The following PRR16 variants were observed in gnomAD, a reference collection of about 807,000 sequenced individuals.
PRR16 encodes the protein protein Largen.
A neutral mutation model predicts 18.2 loss-of-function variants in PRR16; 6 were observed. The observed-to-expected ratio is 0.33, with a 90% CI of 0.18 to 0.65. The LOEUF (loss-of-function observed/expected upper bound fraction) is 0.65. PRR16 is among the 30% of genes least tolerant of loss of function. The pLI is 0.74. For synonymous variants in PRR16, 151 were observed against 147.8 expected (o/e 1.02, Z -0.16); for missense variants, 412 against 376.6 (o/e 1.09, Z -0.78).
At chr5:120,754,851 G>A in the PRR16 span, among the ~76,000 whole-genome samples, 219 of 150,800 alleles carry the variant, frequency 1.5e-3, 1 homozygote, top group African/African-American at 4.8e-3. Context: ...TCAAAACCTC[G>A]TAGTTCAATA....
chr5:120,694,682 CAAAA>C, the PRR16 span, among the ~76,000 whole-genome samples: 3 of 116,142 alleles, frequency 2.6e-5, no homozygotes, highest in African/African-American at 3.4e-5. Flanking sequence ...GACTCCGTCT[CAAAA>C]AAAAAAAAAA....
At chr5:120,621,376 C>T (rs1224787689) in intron 1 of PRR16, among the ~76,000 whole-genome samples, 3 of 151,880 alleles carry the variant, frequency 2.0e-5, no homozygotes, top group Non-Finnish European at 4.4e-5. Context: ...GTGATCATTC[C>T]CCTGTGATCT....
chr5:120,588,323 G>A (rs1181625450), intron 1 of PRR16, among the ~76,000 whole-genome samples: 1 of 152,182 alleles, frequency 6.6e-6, no homozygotes, highest in Non-Finnish European at 1.5e-5. Flanking sequence ...TCTACTGTGT[G>A]TAAAATGCTA....
intron 1 of PRR16, among the ~76,000 whole-genome samples, chr5:120,605,200 G>A (rs1157676956): frequency 1.3e-5 from 2 of 151,856 alleles, no homozygotes; most frequent in South Asian, 2.1e-4. Flanking sequence ...TTATAGGTGT[G>A]GTCTCTTCAG....
At chr5:120,575,323 A>ACG (rs1753039514) in intron 1 of PRR16, among the ~76,000 whole-genome samples, 1 of 148,816 alleles carries the variant, frequency 6.7e-6, no homozygotes, top group Non-Finnish European at 1.5e-5. Flanking sequence ...AAGGAAACAC[A>ACG]CACACACACA....
intron 1 of PRR16, among the ~76,000 whole-genome samples, chr5:120,524,108 C>G (rs1751276336): frequency 1.3e-5 from 2 of 152,206 alleles, no homozygotes; most frequent in South Asian, 4.1e-4. Flanking sequence ...AACTAAGACA[C>G]AGAAGTTTAT....
the PRR16 span, among the ~76,000 whole-genome samples, chr5:120,770,637 C>A: frequency 6.6e-6 from 1 of 151,816 alleles, no homozygotes; most frequent in Non-Finnish European, 1.5e-5. Flanking sequence ...AAAAGACAAT[C>A]TAAAGAATGA....
chr5:120,647,565 T>C (rs543429438), intron 1 of PRR16, among the ~76,000 whole-genome samples: 1 of 152,232 alleles, frequency 6.6e-6, no homozygotes, highest in South Asian at 2.1e-4. Flanking sequence ...CCTTTGGTAA[T>C]ACTTGACTTA....
the PRR16 span, among the ~76,000 whole-genome samples, chr5:120,717,946 TAGC>T: frequency 6.6e-6 from 1 of 152,172 alleles, no homozygotes. Flanking sequence ...ATATGTAAAG[TAGC>T]AGCAATTTAA....
chr5:120,689,271 T>A (rs566440354), downstream of PRR16, among the ~76,000 whole-genome samples: 14 of 152,316 alleles, frequency 9.2e-5, no homozygotes, highest in Admixed American at 3.9e-4. Flanking sequence ...CCACATTCAC[T>A]GGAACTTAGT....
chr5:120,642,345 A>C (rs973885346), intron 1 of PRR16, among the ~76,000 whole-genome samples: 1 of 151,786 alleles, frequency 6.6e-6, no homozygotes, highest in African/African-American at 2.4e-5. Context: ...TTCCAATTAC[A>C]TGGAATTAAT....
chr5:120,677,061 G>A (rs1456169220), intron 1 of PRR16, among the ~76,000 whole-genome samples: 4 of 152,138 alleles, frequency 2.6e-5, no homozygotes, highest in Non-Finnish European at 5.9e-5. Context: ...GATAACCACA[G>A]TGTTTATTCA....
the PRR16 span, among the ~76,000 whole-genome samples, chr5:120,718,627 T>G: frequency 0.34 from 51,615 of 151,816 alleles, 10,817 homozygotes; most frequent in Middle Eastern, 0.52. Flanking sequence ...TTGTTAGAAA[T>G]AGAAGGGAAC....
chr5:120,537,010 A>G (rs909453901), intron 1 of PRR16, among the ~76,000 whole-genome samples: 2 of 152,150 alleles, frequency 1.3e-5, no homozygotes, highest in Non-Finnish European at 2.9e-5. Context: ...CATGAACACA[A>G]AGGAGGGAAC....
chr5:120,541,380 A>T (rs1373043812), intron 1 of PRR16, among the ~76,000 whole-genome samples: 2 of 152,082 alleles, frequency 1.3e-5, no homozygotes, highest in African/African-American at 4.8e-5. Flanking sequence ...TCCTGACCTC[A>T]GCTGATCTGC....
At chr5:120,743,325 T>G in the PRR16 span, among the ~76,000 whole-genome samples, 1 of 152,146 alleles carries the variant, frequency 6.6e-6, no homozygotes, top group African/African-American at 2.4e-5. Context: ...TTTGAGAAGC[T>G]TTTGTTTGAT....
At position 120,652,724 on chromosome 5, in the gene PRR16, G is replaced by A. The variant is rs572332480; in HGVS notation, c.160-33230G>A. ...AGCCTAAGGAGACATGATACATACA[G>A]TATCTTCAATGGGATCGTGCAACAG... On this transcript the variant is annotated intron_variant, in intron 1 of 1. Transcript: ENST00000407149. 6.6e-5 allele frequency among the ~76,000 whole-genome samples: 10 copies of A among 152,070 alleles called. No homozygotes were observed. In the East Asian group the frequency reaches 1.9e-3, roughly 29 times the overall value.
At chr5:120,472,836 G>A (rs370706272) in intron 1 of PRR16, among the ~76,000 whole-genome samples, 32 of 152,232 alleles carry the variant, frequency 2.1e-4, no homozygotes, top group African/African-American at 7.0e-4. Context: ...TAGAATGCTT[G>A]TGTGTCTGAA....
chr5:120,720,214 C>G, the PRR16 span, among the ~76,000 whole-genome samples: 1 of 152,008 alleles, frequency 6.6e-6, no homozygotes, highest in Non-Finnish European at 1.5e-5. Context: ...ACACCAAACT[C>G]AGGATTCAGC....
Sources: gnomAD v4.1 joint callset for allele counts (sites outside exome capture counted in the v4.1 genomes callset) on GRCh38, gnomAD v4.1.1 for gene constraint, MANE v1.5 for transcripts, NCBI Gene and HGNC (gene_info 2026-07-23, HGNC 2026-07-21) for gene names.